The following GRIP2 variants were observed in gnomAD, a reference collection of about 807,000 sequenced individuals.
The protein encoded by GRIP2 is glutamate receptor-interacting protein 2.
In GRIP2, 58 loss-of-function variants were observed where a neutral mutation model predicts 108.3. That is an observed-to-expected ratio of 0.54 (90% CI 0.43 to 0.67). The LOEUF is 0.67. GRIP2 is among the 30% of genes least tolerant of loss of function. The pLI, the probability that GRIP2 is intolerant of heterozygous loss-of-function variation, is 0.00. For missense variants in GRIP2, 1,278 were observed against 1,430.6 expected, an observed-to-expected ratio of 0.89 and a Z score of 1.72; for synonymous variants, 586 against 598.2, an observed-to-expected ratio of 0.98 and a Z score of 0.30.
At position 14,496,444 on chromosome 3, in the gene GRIP2, C is replaced by T. The variant is rs1012942462; in HGVS notation, c.2796G>A (p.Leu932=). 3 of 1,612,414 alleles carry T rather than the reference C, an allele frequency of 1.9e-6. No homozygotes were observed. In the African/African-American group the frequency reaches 4.0e-5, roughly 22 times the overall value. The change falls in exon 22 of 24, where the codon TTG becomes TTA. Residue 932 remains leucine, a synonymous_variant. Coordinates refer to ENST00000621039, the MANE Select transcript of GRIP2 (RefSeq NM_001080423.4). ...RASPAEMEEL[L]LPTPLEMHKV... is the part of the protein sequence containing the mutation. Reference sequence around the variant, plus strand: ...TGTGCATCTCCAAGGGTGTAGGCAGCAACAGCTCCTCCATTTCTGCAGGAG... The same window carrying T: ...TGTGCATCTCCAAGGGTGTAGGCAGTAACAGCTCCTCCATTTCTGCAGGAG...
At chr3:14,538,135 G>A (rs1694877389) in intron 1 of GRIP2, among the ~76,000 whole-genome samples, 1 of 152,176 alleles carries the variant, frequency 6.6e-6, no homozygotes, top group African/African-American at 2.4e-5. Flanking sequence ...GCATAGGGCT[G>A]CCTGGTCCAC....
chr3:14,495,102 C>G, intron 22 of GRIP2, 113 bp from the exon 23 acceptor site: 1 of 1,385,476 alleles, frequency 7.2e-7, no homozygotes, highest in South Asian at 1.3e-5. Flanking sequence ...GCCACACCCC[C>G]CAGGCTGCAG....
intron 1 of GRIP2, among the ~76,000 whole-genome samples, chr3:14,550,094 G>A (rs1298123334): frequency 1.3e-5 from 2 of 152,188 alleles, no homozygotes; most frequent in African/African-American, 4.8e-5. Context: ...ACGACCACAT[G>A]TTTGAGGACA....
the GRIP2 span, among the ~76,000 whole-genome samples, chr3:14,601,066 T>TCTCTCACA: frequency 1.3e-3 from 189 of 149,018 alleles, no homozygotes; most frequent in African/African-American, 4.3e-3. Flanking sequence ...TCTCTCTCTC[T>TCTCTCACA]CACACACACA....
chr3:14,588,450 TCCTCAGACATCAGCCTCAAGCC>T, the GRIP2 span, among the ~76,000 whole-genome samples: 2 of 151,994 alleles, frequency 1.3e-5, no homozygotes, highest in Non-Finnish European at 2.9e-5. Context: ...CTTTCTGCTG[TCCTCAGACATCAGCCTCAAGCC>T]CCTCCCCACT....
At chr3:14,567,022 T>TTGAA in the GRIP2 span, among the ~76,000 whole-genome samples, 5,570 of 151,920 alleles carry the variant, frequency 0.037, 147 homozygotes, top group Middle Eastern at 0.088. Context: ...AAGGACTCAC[T>TTGAA]TGAATGAATG....
Position 14,512,907 on chromosome 3 carries a change from C to A in GRIP2, c.1640-50G>T, listed in dbSNP as rs1429768166. The A allele has an allele frequency of 6.5e-7, 1 of 1,529,536 alleles. No individual in the cohort carries two copies. Among genetic ancestry groups the A allele is most frequent in the Non-Finnish European group, 9.1e-7 (1 of 1,103,462 alleles). The allele number at this position is 1,529,536 out of a possible 1,614,324, so 94.7% of individuals were successfully genotyped here. ...ACGTGAGGACCCAGAGGAGGAGCCT[C>A]AGCGAACCCCAGCCCCATGCCCATT... On this transcript the variant is annotated intron_variant, in intron 13 of 23. Transcript: ENST00000621039. This position sits in a 1 kb window ranked among gnomAD's most constrained non-coding sequence, Gnocchi z 5.1.
At chr3:14,536,020 G>A (rs1694825706) in intron 1 of GRIP2, among the ~76,000 whole-genome samples, 1 of 152,252 alleles carries the variant, frequency 6.6e-6, no homozygotes, top group African/African-American at 2.4e-5. Context: ...AGGAAGCCCA[G>A]CTTCCATGGG....
chr3:14,524,608 C>A, intron 3 of GRIP2, 70 bp from the exon 4 acceptor site: 1 of 1,477,490 alleles, frequency 6.8e-7, no homozygotes. Flanking sequence ...TTCACACCCA[C>A]CCTCCTCTGG....
chr3:14,598,277 C>T, the GRIP2 span, among the ~76,000 whole-genome samples: 24 of 151,548 alleles, frequency 1.6e-4, no homozygotes, highest in African/African-American at 5.8e-4. Context: ...CAAAAGCCGC[C>T]TTATCGTCTT....
At chr3:14,543,389 A>C (rs1695008765), upstream of GRIP2, among the ~76,000 whole-genome samples, 1 of 152,238 alleles carries the variant, frequency 6.6e-6, no homozygotes, top group Non-Finnish European at 1.5e-5. Context: ...ATGGAGAGCT[A>C]AGGATAGCTG....
the GRIP2 span, among the ~76,000 whole-genome samples, chr3:14,591,580 A>G: frequency 6.6e-6 from 1 of 152,238 alleles, no homozygotes; most frequent in East Asian, 1.9e-4. Context: ...TTATGCAATG[A>G]AAGAACAAAT....
chr3:14,569,340 C>T, the GRIP2 span, among the ~76,000 whole-genome samples: 1 of 152,238 alleles, frequency 6.6e-6, no homozygotes, highest in Non-Finnish European at 1.5e-5. Context: ...AACTACACCC[C>T]ACCCATTTTA....
At chr3:14,559,981 G>A (rs868858575), upstream of GRIP2, among the ~76,000 whole-genome samples, 4 of 152,182 alleles carry the variant, frequency 2.6e-5, no homozygotes, top group Admixed American at 6.5e-5. Flanking sequence ...GGATGGGCTT[G>A]GTGGCTCAGA....
chr3:14,583,358 G>A, the GRIP2 span, among the ~76,000 whole-genome samples: 3 of 152,178 alleles, frequency 2.0e-5, no homozygotes, highest in African/African-American at 7.2e-5. Flanking sequence ...GAGATGTCTC[G>A]AGAGATGTCC....
At chr3:14,573,649 T>C in the GRIP2 span, 1 of 1,499,742 alleles carries the variant, frequency 6.7e-7, no homozygotes, top group South Asian at 1.1e-5. Context: ...ACACAGTCCA[T>C]GTGGGGAAGG....
rs1290637112 is a variant in GRIP2, at chr3:14,540,302, A to G, written c.7T>C (p.Cys3Arg). The change falls in exon 1 of 24, where the codon TGT (cysteine) becomes CGT (arginine). Residue 3 changes from cysteine to arginine, a missense_variant. Physicochemically the swap from Cys to Arg is radical, Grantham distance 180. Transcript: ENST00000621039. The surrounding 1 kb of genome is among the most constrained non-coding windows in gnomAD (Gnocchi z 4.1). ML[C>R]GLSRETPGEA... ...CCAGGGGTCTCCCGGCTGAGCCCACACAGCATGTTCGCTATTGTCTCCCCT... is the reference window on the plus strand; with the variant it reads ...CCAGGGGTCTCCCGGCTGAGCCCACGCAGCATGTTCGCTATTGTCTCCCCT... 1 of 1,613,598 alleles carries G rather than the reference A, an allele frequency of 6.2e-7. No homozygotes were observed. The highest frequency in any genetic ancestry group is 1.1e-5 in the South Asian group (1 of 91,032).
the GRIP2 span, among the ~76,000 whole-genome samples, chr3:14,563,575 G>C: frequency 6.6e-6 from 1 of 152,064 alleles, no homozygotes; most frequent in Non-Finnish European, 1.5e-5. Context: ...TTCCTCTGAG[G>C]ATGTGGGAGC....
the GRIP2 span, among the ~76,000 whole-genome samples, chr3:14,591,581 AAG>A: frequency 2.0e-5 from 3 of 152,204 alleles, no homozygotes; most frequent in Non-Finnish European, 2.9e-5. Context: ...TATGCAATGA[AAG>A]AACAAATGGA....
Sources: allele counts gnomAD v4.1 joint callset (sites outside exome capture counted in the v4.1 genomes callset), GRCh38; gene constraint gnomAD v4.1.1; non-coding constraint Gnocchi (gnomAD v3.1); transcripts MANE v1.5; gene names NCBI Gene and HGNC (gene_info 2026-07-23, HGNC 2026-07-21).